The following GALM variants were observed in gnomAD, a reference collection of about 807,000 sequenced individuals.
The protein encoded by GALM is aldose 1-epimerase.
A neutral mutation model predicts 37.4 loss-of-function variants in GALM; 43 were observed. That is an observed-to-expected ratio of 1.15 (90% CI 0.90 to 1.48). GALM has a LOEUF of 1.48. Ranked by LOEUF, GALM falls within the 40% of genes most tolerant of loss-of-function variation. GALM has a pLI of 0.00. For synonymous variants in GALM, 199 were observed against 170.6 expected, an observed-to-expected ratio of 1.17 and a Z score of -1.30; for missense variants, 456 against 419.1, an observed-to-expected ratio of 1.09 and a Z score of -0.77.
At chr2:38,693,145 T>C (rs769036837) in intron 4 of GALM, among the ~76,000 whole-genome samples, 4 of 152,184 alleles carry the variant, frequency 2.6e-5, no homozygotes, top group Admixed American at 6.5e-5. Flanking sequence ...CTGCCAGAGC[T>C]GGACTGAACC....
In GALM at chr2:38,681,650, A is replaced by T. The variant is rs560206396; in HGVS notation, c.552+164A>T. Among the ~76,000 whole-genome samples, 11 of 152,360 alleles carry T rather than the reference A, an allele frequency of 7.2e-5. No homozygotes were observed. The East Asian group carries it at 1.9e-3, about 27-fold the overall frequency. ...TTATAGTAGGTGCTCAATAATTGAAAATTATAGAGAAAGACAGAATGATTA... is the reference window on the plus strand; with the variant it reads ...TTATAGTAGGTGCTCAATAATTGAATATTATAGAGAAAGACAGAATGATTA... On this transcript the variant is annotated intron_variant, in intron 3 of 6. Coordinates refer to ENST00000272252, the MANE Select transcript of GALM (RefSeq NM_138801.3).
At chr2:38,690,459 T>TAG (rs1665647257) in intron 4 of GALM, among the ~76,000 whole-genome samples, 2 of 152,014 alleles carry the variant, frequency 1.3e-5, no homozygotes, top group Non-Finnish European at 2.9e-5. Flanking sequence ...CGGGAGGGGA[T>TAG]AGGGTCTCAT....
intron 4 of GALM, among the ~76,000 whole-genome samples, chr2:38,711,800 C>CTATAA (rs1243312307): frequency 7.5e-5 from 8 of 107,322 alleles, no homozygotes; most frequent in African/African-American, 1.4e-4. Context: ...ATCACCATCA[C>CTATAA]CATCACCATC....
intron 4 of GALM, among the ~76,000 whole-genome samples, chr2:38,715,358 T>A (rs1487614367): frequency 6.6e-6 from 1 of 152,208 alleles, no homozygotes; most frequent in African/African-American, 2.4e-5. Context: ...AAGCTAAAAA[T>A]GGGAGAGTTC....
intron 5 of GALM, among the ~76,000 whole-genome samples, chr2:38,730,556 C>T (rs559863748): frequency 6.6e-6 from 1 of 152,252 alleles, no homozygotes; most frequent in Admixed American, 6.5e-5. Flanking sequence ...TAAGCCACTG[C>T]ACCCGGTCAA....
rs1665874063 is a variant in GALM at position 38,699,472 on chromosome 2, T to G, written c.634+9578T>G. Among the ~76,000 whole-genome samples the G allele has an allele frequency of 2.6e-5, 4 of 152,160 alleles. No individual in the cohort carries two copies. The South Asian group carries it at 8.3e-4, about 31-fold the overall frequency. On this transcript the variant is annotated intron_variant, in intron 4 of 6. Transcript: ENST00000272252. The stretch of plus-strand genomic sequence containing the variant: ...GTTAATTATAGTCACCCTATAGTGC[T>G]TTAGAGCACTAGCACTTATTCCCCC...
intron 4 of GALM, among the ~76,000 whole-genome samples, chr2:38,723,552 G>T (rs1666425408): frequency 6.6e-6 from 1 of 152,178 alleles, no homozygotes. Context: ...ACTTTGGGAA[G>T]CTGAGGCAGG....
chr2:38,677,276 A>G (rs1665280849), intron 2 of GALM, among the ~76,000 whole-genome samples: 1 of 152,184 alleles, frequency 6.6e-6, no homozygotes, highest in Non-Finnish European at 1.5e-5. Context: ...AGAGCCAGAG[A>G]AGAGCCAGAG....
intron 4 of GALM, among the ~76,000 whole-genome samples, chr2:38,729,163 A>AG (rs1339335048): frequency 8.4e-4 from 127 of 151,540 alleles, no homozygotes; most frequent in African/African-American, 3.0e-3. Flanking sequence ...TATTTATTTG[A>AG]GGGTTTTTTT....
Position 38,698,461 on chromosome 2 carries a change from T to A in GALM, c.634+8567T>A, listed in dbSNP as rs147233324. The A allele has an allele frequency of 5.9e-5, 72 of 1,228,386 alleles. No homozygotes were observed. The East Asian group carries it at 2.6e-3, about 44-fold the overall frequency. 76.1% of individuals were successfully genotyped at this position (1,228,386 alleles called of 1,614,324 possible). On this transcript the variant is annotated intron_variant, in intron 4 of 6. Transcript: ENST00000272252. The stretch of plus-strand genomic sequence containing the variant: ...GGTACACTGTCAGGCTGTGTTTGGA[T>A]GTTAGCAGTTAATTTAGCTCTGCGT...
chr2:38,672,932 T>C (rs541157481), intron 1 of GALM, among the ~76,000 whole-genome samples: 122 of 151,924 alleles, frequency 8.0e-4, no homozygotes, highest in African/African-American at 2.9e-3. Flanking sequence ...ACTGCTTGAA[T>C]CCAGGAGGCG....
rs758153760 is a variant in GALM, at chr2:38,731,775, A to G, written c.817A>G (p.Thr273Ala). ...AASGRVLEVY[T>A]TQPGVQFYTG... is the part of the protein sequence containing the mutation. ...AAGCGGGCGGGTACTAGAAGTATAC[A>G]CCACCCAGCCCGGGGTCCAGTTTTA... The change falls in exon 6 of 7, where the codon ACC becomes GCC. Residue 273 changes from threonine to alanine, a missense_variant. By Grantham distance (58) the Thr-to-Ala change is moderately conservative. Coordinates refer to ENST00000272252, the MANE Select transcript of GALM (RefSeq NM_138801.3). 5 of 1,613,820 alleles carry G rather than the reference A, an allele frequency of 3.1e-6. No homozygotes were observed. In the African/African-American group the frequency reaches 4.0e-5, roughly 13 times the overall value.
At chr2:38,689,548 A>T (rs1665622328) in intron 3 of GALM, among the ~76,000 whole-genome samples, 1 of 152,190 alleles carries the variant, frequency 6.6e-6, no homozygotes, top group South Asian at 2.1e-4. Context: ...CTTTCAAACC[A>T]CTGTGGTCTC....
chr2:38,679,069 C>T (rs2148428458), intron 2 of GALM, among the ~76,000 whole-genome samples: 1 of 152,344 alleles, frequency 6.6e-6, no homozygotes, highest in East Asian at 1.9e-4. Flanking sequence ...TCACTACAAC[C>T]TCCACTTCCC....
At chr2:38,726,510 G>A (rs956109238) in intron 4 of GALM, among the ~76,000 whole-genome samples, 1 of 152,172 alleles carries the variant, frequency 6.6e-6, no homozygotes, top group African/African-American at 2.4e-5. Context: ...ACAGGCATGA[G>A]CCACCCCGCC....
At chr2:38,712,778 G>T (rs185386846) in intron 4 of GALM, among the ~76,000 whole-genome samples, 2 of 152,304 alleles carry the variant, frequency 1.3e-5, no homozygotes, top group African/African-American at 4.8e-5. Flanking sequence ...TCATCAGAGC[G>T]GAGGCTGGGG....
rs765500258 is a variant in GALM at position 38,681,931 on chromosome 2, A to C, written c.552+445A>C. Among the ~76,000 whole-genome samples, 6 of 152,324 alleles carry C rather than the reference A, an allele frequency of 3.9e-5. No homozygotes were observed. In the East Asian group the frequency reaches 1.2e-3, roughly 29 times the overall value. ...CCCTGTGAGCCTGCCAGCTCCTCCC[A>C]GGGGTTTGGGTGGGCCAGTCCTGCC... On this transcript the variant is annotated intron_variant, in intron 3 of 6. Transcript: ENST00000272252.
intron 2 of GALM, among the ~76,000 whole-genome samples, chr2:38,677,005 G>C (rs1320816929): frequency 6.6e-6 from 1 of 152,152 alleles, no homozygotes; most frequent in Non-Finnish European, 1.5e-5. Context: ...AATCATATCA[G>C]ATTCTCCCCA....
intron 4 of GALM, among the ~76,000 whole-genome samples, chr2:38,719,966 G>A (rs1172385616): frequency 6.6e-6 from 1 of 151,802 alleles, no homozygotes; most frequent in African/African-American, 2.4e-5. Context: ...ACTTTGGGAG[G>A]CTGACCGGGT....
Sources: gnomAD v4.1 joint callset for allele counts (sites outside exome capture counted in the v4.1 genomes callset) on GRCh38, gnomAD v4.1.1 for gene constraint, MANE v1.5 for transcripts, NCBI Gene and HGNC (gene_info 2026-07-23, HGNC 2026-07-21) for gene names.